Variants in ADAM10 observed in about 807,000 individuals in gnomAD.
ADAM10 encodes disintegrin and metalloproteinase domain-containing protein 10.
ADAM10 carries 17 observed loss-of-function variants against 90.1 expected under a neutral mutation model. The ratio of observed to expected loss-of-function variants is 0.19; its 90% CI spans 0.13 to 0.28. The LOEUF (loss-of-function observed/expected upper bound fraction) is 0.28, where lower values mean the gene tolerates loss of function less well. ADAM10 is among the 10% of genes least tolerant of loss of function. The probability of loss-of-function intolerance (pLI) is 1.00; values close to 1 mark genes in which losing one functional copy is unlikely to be tolerated. For synonymous variants in ADAM10, 310 were observed against 298.6 expected (o/e 1.04, Z -0.40); for missense variants, 610 against 914.3 (o/e 0.67, Z 4.29).
At chr15:58,714,326 C>CACACACACACACACAG (rs1268922134) in intron 2 of ADAM10, among the ~76,000 whole-genome samples, 2 of 150,698 alleles carry the variant, frequency 1.3e-5, no homozygotes, top group African/African-American at 4.9e-5. Flanking sequence ...CACACACACA[C>CACACACACACACACAG]AGAAGCTGTG....
intron 1 of ADAM10, among the ~76,000 whole-genome samples, chr15:58,742,602 CCTAATA>C (rs1899651100): frequency 6.6e-6 from 1 of 152,198 alleles, no homozygotes; most frequent in African/African-American, 2.4e-5. Context: ...GTCAGGCTAT[CCTAATA>C]CTAACGCAAA....
chr15:58,672,783 C>A (rs1897223601), intron 4 of ADAM10: 1 of 54,870 alleles, frequency 1.8e-5, no homozygotes, highest in Non-Finnish European at 2.9e-5. Context: ...AGGCCTCATG[C>A]AGCAAAAAAA....
chr15:58,610,908 C>G, intron 13 of ADAM10, 91 bp downstream of exon 13: 1 of 987,296 alleles, frequency 1.0e-6, no homozygotes, highest in Non-Finnish European at 1.6e-6. Context: ...ATTATCTGGC[C>G]AAACTGTAGG....
chr15:58,738,396 C>A (rs987713955), intron 1 of ADAM10, among the ~76,000 whole-genome samples: 1 of 152,180 alleles, frequency 6.6e-6, no homozygotes, highest in Non-Finnish European at 1.5e-5. Context: ...TATTTAAGTG[C>A]CTTTAATGCA....
chr15:58,733,717 T>C (rs1203254749), intron 1 of ADAM10, among the ~76,000 whole-genome samples: 2 of 152,014 alleles, frequency 1.3e-5, no homozygotes, highest in Admixed American at 6.6e-5. Context: ...AAAATATTCT[T>C]TATTTTCTTT....
Position 58,632,172 on chromosome 15 carries a change from T to C in ADAM10, c.1176+1024A>G, listed in dbSNP as rs1896122803. On this transcript the variant is annotated intron_variant, in intron 9 of 15. Coordinates refer to ENST00000260408, the MANE Select transcript of ADAM10 (RefSeq NM_001110.4). The stretch of plus-strand genomic sequence containing the variant: ...AGACAGAGTATCATTCAGTATTTCA[T>C]ATTTCTGTGTTGTACTGATCTTTAA... 2.6e-5 allele frequency among the ~76,000 whole-genome samples: 4 copies of C among 152,342 alleles called. No homozygotes were observed. The South Asian group carries it at 8.3e-4, about 32-fold the overall frequency.
rs1894880874 is a variant in ADAM10 at position 58,593,756 on chromosome 15, T to C, written c.*3791A>G. 3 of 152,216 alleles carry C rather than the reference T, an allele frequency of 2.0e-5. No homozygotes were observed. Among genetic ancestry groups the C allele is most frequent in the Non-Finnish European group, 4.4e-5 (3 of 68,036 alleles). The allele number at this position is 152,216 out of a possible 1,614,324, so 9.4% of individuals were successfully genotyped here. A position where few individuals can be genotyped will look rare whatever the true frequency, so the allele number is the denominator to read the frequency against. On this transcript the variant is annotated 3_prime_UTR_variant, in exon 16 of 16. Transcript: ENST00000260408. ...ATGCTCCGTTTTACCTAGCATCCTG[T>C]TGCTTTTTATAGAAGAGATGCTCTG...
At chr15:58,648,487 C>G (rs1427074268) in intron 5 of ADAM10, among the ~76,000 whole-genome samples, 2 of 152,018 alleles carry the variant, frequency 1.3e-5, no homozygotes, top group Non-Finnish European at 2.9e-5. Context: ...ATTTTCTACT[C>G]CAGACCAAAG....
intron 5 of ADAM10, among the ~76,000 whole-genome samples, chr15:58,649,374 G>A (rs1284694819): frequency 6.6e-6 from 1 of 151,942 alleles, no homozygotes; most frequent in Non-Finnish European, 1.5e-5. Flanking sequence ...CACCCTACAA[G>A]TCTTTACTAT....
At chr15:58,728,806 A>T (rs1490571179) in intron 1 of ADAM10, among the ~76,000 whole-genome samples, 1 of 152,226 alleles carries the variant, frequency 6.6e-6, no homozygotes, top group Non-Finnish European at 1.5e-5. Flanking sequence ...TAAATGAATT[A>T]ACATTCTACC....
intron 2 of ADAM10, among the ~76,000 whole-genome samples, chr15:58,690,072 A>T (rs1897736168): frequency 6.6e-6 from 1 of 152,216 alleles, no homozygotes; most frequent in African/African-American, 2.4e-5. Flanking sequence ...CAAATGAAGT[A>T]ATAAGAGGCT....
intron 11 of ADAM10, among the ~76,000 whole-genome samples, chr15:58,612,251 C>T (rs1279525548): frequency 6.6e-6 from 1 of 152,102 alleles, no homozygotes; most frequent in African/African-American, 2.4e-5. Context: ...AAAGTCACAC[C>T]CTGCAGGGTA....
At chr15:58,671,722 A>G (rs1308976316) in intron 4 of ADAM10, among the ~76,000 whole-genome samples, 1 of 152,142 alleles carries the variant, frequency 6.6e-6, no homozygotes, top group Non-Finnish European at 1.5e-5. Context: ...ATAAATATAT[A>G]TATTTTTTAA....
rs1894786243 is a variant in ADAM10, at chr15:58,589,699, T to A, written c.*7848A>T. On this transcript the variant is annotated 3_prime_UTR_variant, in exon 16 of 16. Transcript: ENST00000260408. ...TAGATGAGGCAGGATTATATTGTAA[T>A]ATGGTGTGTGCTATGAGAGAAAGAT... The A allele has an allele frequency of 6.6e-6, 1 of 152,224 alleles. No homozygotes were observed. Among genetic ancestry groups the A allele is most frequent in the African/African-American group, 2.4e-5 (1 of 41,444 alleles). 9.4% of individuals were successfully genotyped at this position (152,224 alleles called of 1,614,324 possible). A position where few individuals can be genotyped will look rare whatever the true frequency, so the allele number is the denominator to read the frequency against.
intron 2 of ADAM10, among the ~76,000 whole-genome samples, chr15:58,715,094 T>C (rs1595649252): frequency 1.3e-5 from 2 of 152,076 alleles, no homozygotes; most frequent in South Asian, 2.1e-4. Flanking sequence ...TACAGTAAGT[T>C]TGTATAGTTA....
intron 2 of ADAM10, among the ~76,000 whole-genome samples, chr15:58,685,854 A>C (rs1407400676): frequency 1.3e-5 from 2 of 152,098 alleles, no homozygotes; most frequent in Non-Finnish European, 2.9e-5. Context: ...ACAAAACAAA[A>C]ACTACTGCTC....
At chr15:58,675,524 G>C (rs1335415013) in intron 4 of ADAM10, among the ~76,000 whole-genome samples, 2 of 152,138 alleles carry the variant, frequency 1.3e-5, no homozygotes, top group South Asian at 4.1e-4. Context: ...AAAATAAACT[G>C]TGCTAAGGGG....
chr15:58,664,351 A>G (rs1278771927), intron 5 of ADAM10, among the ~76,000 whole-genome samples: 2 of 152,088 alleles, frequency 1.3e-5, no homozygotes, highest in Non-Finnish European at 2.9e-5. Context: ...ATATTCCCAG[A>G]ACTTTCCACA....
chr15:58,613,242 TG>T (rs1895502685), intron 11 of ADAM10, among the ~76,000 whole-genome samples: 1 of 152,066 alleles, frequency 6.6e-6, no homozygotes, highest in Non-Finnish European at 1.5e-5. Flanking sequence ...TGCACCTACC[TG>T]GAAAAAGAAG....
Sources: gnomAD v4.1 joint callset for allele counts (sites outside exome capture counted in the v4.1 genomes callset) on GRCh38, gnomAD v4.1.1 for gene constraint, MANE v1.5 for transcripts, NCBI Gene and HGNC (gene_info 2026-07-23, HGNC 2026-07-21) for gene names.